ITGA1: variants seen among roughly 807,000 people sequenced by gnomAD.
ITGA1 encodes the protein integrin alpha-1.
In ITGA1, 85 loss-of-function variants were observed where a neutral mutation model predicts 145.9. The observed-to-expected ratio is 0.58, with a 90% CI of 0.49 to 0.70. The LOEUF (loss-of-function observed/expected upper bound fraction) is 0.70, where lower values mean the gene tolerates loss of function less well. Ranked by LOEUF, ITGA1 falls within the 30% of genes least tolerant of loss-of-function variation. The probability of loss-of-function intolerance (pLI) is 0.00; values close to 1 mark genes in which losing one functional copy is unlikely to be tolerated. For missense variants in ITGA1, 1,351 were observed against 1,418.7 expected, an observed-to-expected ratio of 0.95 and a Z score of 0.77; for synonymous variants, 520 against 495.3, an observed-to-expected ratio of 1.05 and a Z score of -0.66.
chr5:52,817,952 A>G (rs1748804164), intron 1 of ITGA1, among the ~76,000 whole-genome samples: 1 of 152,164 alleles, frequency 6.6e-6, no homozygotes, highest in African/African-American at 2.4e-5. Flanking sequence ...ATGGTATGGC[A>G]AAAGCAGGTC....
At chr5:52,879,369 G>A (rs1455878563) in intron 6 of ITGA1, among the ~76,000 whole-genome samples, 2 of 152,100 alleles carry the variant, frequency 1.3e-5, no homozygotes, top group Non-Finnish European at 2.9e-5. Flanking sequence ...TAATTGATGA[G>A]CAATTAACTT....
chr5:52,905,860 G>A lies in ITGA1; in HGVS notation c.1407G>A (p.Arg469=), dbSNP rs767772303. 2 of 1,613,534 alleles carry A rather than the reference G, an allele frequency of 1.2e-6. No homozygotes were observed. The highest frequency in any genetic ancestry group is 4.5e-5 in the East Asian group (2 of 44,836). The change falls in exon 12 of 29, where the codon AGG becomes AGA. Residue 469 remains arginine (R), a synonymous_variant. Transcript: ENST00000282588. ...ATACAGGCCAGGTCATTATCTACAGGATGGAAGATGGAAACATCAAAATTC... is the reference window on the plus strand; with the variant it reads ...ATACAGGCCAGGTCATTATCTACAGAATGGAAGATGGAAACATCAAAATTC... ...YNHTGQVIIY[R]MEDGNIKILQ...
chr5:52,809,881 C>T (rs79259373), intron 1 of ITGA1, among the ~76,000 whole-genome samples: 1,818 of 152,258 alleles, frequency 0.012, 17 homozygotes, highest in Middle Eastern at 0.02. Context: ...TAAATATTTA[C>T]TGTGGAGTCA....
chr5:52,904,943 T>C (rs1750374854), intron 11 of ITGA1: 1 of 151,644 alleles, frequency 6.6e-6, no homozygotes, highest in South Asian at 2.1e-4. Context: ...CACAGAAAGG[T>C]ACTGTTGTTA....
At chr5:52,876,462 C>T (rs968583873) in intron 6 of ITGA1, among the ~76,000 whole-genome samples, 10 of 152,126 alleles carry the variant, frequency 6.6e-5, no homozygotes, top group African/African-American at 1.2e-4. Context: ...ACAAGCACCC[C>T]GGTATCAGCC....
Position 52,893,728 on chromosome 5 carries a change from A to G in ITGA1, c.978A>G (p.Glu326=). The change falls in exon 9 of 29, where the codon GAA becomes GAG. Residue 326 remains glutamate (E), a synonymous_variant. Coordinates refer to ENST00000282588, the MANE Select transcript of ITGA1 (RefSeq NM_181501.2). ...TAAGCACTGAAAAATTTGTGGAGGA[A>G]ATAAAATCAATTGCAAGTGAACCCA... The part of the protein sequence containing the change: ...GNLSTEKFVE[E]IKSIASEPTE... 6.2e-7 allele frequency: 1 copy of G among 1,613,230 alleles called. No individual in the cohort carries two copies.
chr5:52,849,390 C>T lies in ITGA1; in HGVS notation c.87C>T (p.Phe29=), dbSNP rs1448792082. 6.2e-6 allele frequency: 10 copies of T among 1,611,136 alleles called. No individual in the cohort carries two copies. The highest frequency in any genetic ancestry group is 7.6e-6 in the Non-Finnish European group (9 of 1,178,534). ...TTGTTCTACGCTGCTGCGTATCATTCAATGTTGATGTGAAAAATTCAATGA... is the reference window on the plus strand; with the variant it reads ...TTGTTCTACGCTGCTGCGTATCATTTAATGTTGATGTGAAAAATTCAATGA... ...LTVVLRCCVS[F]NVDVKNSMTF... is the part of the protein sequence containing the mutation. Residue 29 remains phenylalanine (F), a synonymous_variant, in exon 2 of 29, where the codon TTC becomes TTT. Coordinates refer to ENST00000282588, the MANE Select transcript of ITGA1 (RefSeq NM_181501.2).
At chr5:52,916,541 T>C (rs1750651000) in intron 15 of ITGA1, among the ~76,000 whole-genome samples, 1 of 152,030 alleles carries the variant, frequency 6.6e-6, no homozygotes, top group South Asian at 2.1e-4. Context: ...TTTAAGATAA[T>C]GCTTAAGAAC....
intron 1 of ITGA1, among the ~76,000 whole-genome samples, chr5:52,836,079 A>G (rs905453337): frequency 1.6e-4 from 24 of 152,158 alleles, no homozygotes; most frequent in Non-Finnish European, 3.1e-4. Flanking sequence ...TTTATTTTGC[A>G]TCTTCCCTGA....
rs1324623877 is a variant in ITGA1, at chr5:52,908,983, T to A, written c.1541T>A (p.Met514Lys). Reference sequence around the variant, plus strand: ...GACATTCTTCTAGTCGGAGCCCCTATGTACATGGGAACAGAGAAGGAGGAG... The same window carrying A: ...GACATTCTTCTAGTCGGAGCCCCTAAGTACATGGGAACAGAGAAGGAGGAG... ...NTDILLVGAP[M>K]YMGTEKEEQG... is the part of the protein sequence containing the mutation. Residue 514 changes from methionine (M) to lysine (K), a missense_variant, in exon 13 of 29, where the codon ATG becomes AAG. Transcript: ENST00000282588. The A allele has an allele frequency of 1.4e-5, 23 of 1,613,798 alleles. No individual in the cohort carries two copies. In the Admixed American group the frequency reaches 3.0e-4, roughly 21 times the overall value.
intron 1 of ITGA1, among the ~76,000 whole-genome samples, chr5:52,816,157 T>C (rs1748764420): frequency 2.0e-5 from 3 of 152,182 alleles, no homozygotes; most frequent in African/African-American, 7.2e-5. Context: ...TAATGCCTGG[T>C]CCAGAGTAAT....
intron 1 of ITGA1, among the ~76,000 whole-genome samples, chr5:52,804,230 ACT>A (rs973309487): frequency 3.3e-5 from 5 of 152,084 alleles, no homozygotes; most frequent in African/African-American, 9.7e-5. Flanking sequence ...TGTGATAAAA[ACT>A]CTATCGATAA....
chr5:52,831,484 T>C lies in ITGA1; in HGVS notation c.62-17881T>C, dbSNP rs191225199. On this transcript the variant is annotated intron_variant, in intron 1 of 28. Coordinates refer to ENST00000282588, the MANE Select transcript of ITGA1 (RefSeq NM_181501.2). ...AACTAAGTCTCAAGATACCTGTTTC[T>C]AATGACTTTTAGATAGCATAGACCT... is the stretch of plus-strand genomic sequence containing the variant. Among the ~76,000 whole-genome samples the C allele has an allele frequency of 2.8e-4, 43 of 151,978 alleles. 1 individual carries two copies. In the East Asian group the frequency reaches 7.8e-3, roughly 27 times the overall value.
intron 1 of ITGA1, among the ~76,000 whole-genome samples, chr5:52,817,775 A>C (rs1286144820): frequency 3.3e-5 from 5 of 152,262 alleles, no homozygotes; most frequent in Admixed American, 3.3e-4. Context: ...CGTATTTATA[A>C]ATATGTATCT....
chr5:52,837,894 CTCTT>C (rs1749186209), intron 1 of ITGA1, among the ~76,000 whole-genome samples: 1 of 152,174 alleles, frequency 6.6e-6, no homozygotes, highest in African/African-American at 2.4e-5. Context: ...AAAAAGTTAT[CTCTT>C]TCCTCTGAAA....
chr5:52,829,784 AC>A (rs1316593950), intron 1 of ITGA1, among the ~76,000 whole-genome samples: 3 of 152,124 alleles, frequency 2.0e-5, no homozygotes, highest in Non-Finnish European at 4.4e-5. Context: ...TCACACTGTT[AC>A]CCATGGCACA....
intron 22 of ITGA1, 145 bp from the exon 23 acceptor site, chr5:52,933,749 G>A (rs955100526): frequency 2.9e-5 from 11 of 373,404 alleles, no homozygotes; most frequent in East Asian, 8.5e-5. Context: ...TTAATTTTAC[G>A]TTTCAAGGTA....
chr5:52,798,192 T>C lies in ITGA1; in HGVS notation c.61+9778T>C, dbSNP rs566861963. 2.0e-5 allele frequency among the ~76,000 whole-genome samples: 3 copies of C among 152,336 alleles called. No homozygotes were observed. In the South Asian group the frequency reaches 6.2e-4, roughly 32 times the overall value. On this transcript the variant is annotated intron_variant, in intron 1 of 28. Transcript: ENST00000282588. ...AGTTCTTTGCTTAGTGAAAAGTTGC[T>C]GGGTTCTCCTGGAATTGGAAGAAGG...
chr5:52,827,981 A>G (rs185462909), intron 1 of ITGA1, among the ~76,000 whole-genome samples: 1 of 152,304 alleles, frequency 6.6e-6, no homozygotes, highest in Non-Finnish European at 1.5e-5. Context: ...CCTGTACTTC[A>G]TTCCTTTTTC....
Sources: gnomAD v4.1 joint callset for allele counts (sites outside exome capture counted in the v4.1 genomes callset) on GRCh38, gnomAD v4.1.1 for gene constraint, MANE v1.5 for transcripts, NCBI Gene and HGNC (gene_info 2026-07-23, HGNC 2026-07-21) for gene names.